Variants in IRAK1BP1 observed in about 807,000 individuals in gnomAD.
IRAK1BP1 encodes interleukin 1 receptor associated kinase 1 binding protein 1, also known as interleukin-1 receptor-associated kinase 1-binding protein 1.
In IRAK1BP1, 24 loss-of-function variants were observed where a neutral mutation model predicts 28.0. That is an observed-to-expected ratio of 0.86 (90% confidence interval 0.62 to 1.20). IRAK1BP1 has a LOEUF of 1.20. Ranked by LOEUF, IRAK1BP1 falls within the 50% of genes most tolerant of loss-of-function variation. The pLI is 0.00. For synonymous variants in IRAK1BP1, 131 were observed against 116.3 expected (o/e 1.13, Z -0.81); for missense variants, 336 against 316.7 (o/e 1.06, Z -0.46).
chr6:78,955,632 T>A, the IRAK1BP1 span: 1 of 1,077,232 alleles, frequency 9.3e-7, no homozygotes, highest in Admixed American at 1.8e-5. Context: ...AGACAAAACT[T>A]TCTTCTTCAT....
chr6:78,956,283 C>T, the IRAK1BP1 span: 1 of 152,096 alleles, frequency 6.6e-6, no homozygotes, highest in East Asian at 1.9e-4. Flanking sequence ...TCCCTTTCCT[C>T]CTCCTTATAA....
intron 2 of IRAK1BP1, among the ~76,000 whole-genome samples, chr6:78,895,339 A>G (rs1771841443): frequency 6.6e-6 from 1 of 152,202 alleles, no homozygotes; most frequent in Non-Finnish European, 1.5e-5. Context: ...AAAACTGAAA[A>G]GGAAGAAATA....
chr6:78,925,189 G>A lies in IRAK1BP1; in HGVS notation c.*68-20219G>A, dbSNP rs144270444. On this transcript the variant is annotated intron_variant and NMD_transcript_variant, in intron 4 of 4. Transcript: ENST00000606868. ...TGTTTTGGGGTGGGGGTATGGGGGA[G>A]GGATAGCACTGGGAGATATACCTAA... Among the ~76,000 whole-genome samples, 853 of 152,216 alleles carry A rather than the reference G, an allele frequency of 5.6e-3. 6 individuals are homozygous for A. The highest frequency in any genetic ancestry group is 0.02 in the African/African-American group (825 of 41,532).
exon 5 of IRAK1BP1, chr6:78,946,243 CT>C: frequency 1.9e-6 from 3 of 1,612,686 alleles, no homozygotes; most frequent in Non-Finnish European, 1.7e-6. Context: ...TTTTAAGATC[CT>C]TTTTTTCCTT....
chr6:78,978,640 T>C, the IRAK1BP1 span: 1 of 1,596,860 alleles, frequency 6.3e-7, no homozygotes, highest in Non-Finnish European at 8.6e-7. Flanking sequence ...GAATGGTATC[T>C]GTAATCCATG....
chr6:78,941,313 C>G (rs776162259), intron 4 of IRAK1BP1: 2 of 1,612,860 alleles, frequency 1.2e-6, no homozygotes, highest in Non-Finnish European at 1.7e-6. Context: ...GGTACAAGAG[C>G]GTTGTTCTTA....
chr6:78,947,530 T>C, downstream of IRAK1BP1: 2 of 627,206 alleles, frequency 3.2e-6, no homozygotes, highest in Non-Finnish European at 5.4e-6. Flanking sequence ...GAAAGTTAAC[T>C]TTGACCTAAA....
At chr6:78,960,450 CT>C in the IRAK1BP1 span, among the ~76,000 whole-genome samples, 3,076 of 137,376 alleles carry the variant, frequency 0.022, 37 homozygotes, top group African/African-American at 0.039. Flanking sequence ...TTAGGAATTC[CT>C]TTTTTTTTTT....
chr6:78,924,108 C>CA (rs1328671856), intron 4 of IRAK1BP1, among the ~76,000 whole-genome samples: 24 of 152,030 alleles, frequency 1.6e-4, no homozygotes, highest in Non-Finnish European at 3.2e-4. Flanking sequence ...AAAAACCCTT[C>CA]AAAAAATCAA....
chr6:78,974,616 G>A, the IRAK1BP1 span, among the ~76,000 whole-genome samples: 1 of 152,036 alleles, frequency 6.6e-6, no homozygotes, highest in Non-Finnish European at 1.5e-5. Context: ...CAACAAAATC[G>A]ATAGACCGCC....
chr6:78,893,310 G>GTATATATA (rs1562085762), intron 2 of IRAK1BP1, among the ~76,000 whole-genome samples: 1 of 71,126 alleles, frequency 1.4e-5, no homozygotes, highest in Non-Finnish European at 2.8e-5. Flanking sequence ...GTGTGTGTGT[G>GTATATATA]TGTGTATATA....
At chr6:78,926,164 A>G (rs1260021626) in intron 4 of IRAK1BP1, among the ~76,000 whole-genome samples, 1 of 152,112 alleles carries the variant, frequency 6.6e-6, no homozygotes, top group Non-Finnish European at 1.5e-5. Context: ...TAAAAAGTCA[A>G]AAAACAACAG....
At chr6:78,936,564 CTAAG>C (rs1335911818) in intron 4 of IRAK1BP1, 2 of 151,836 alleles carry the variant, frequency 1.3e-5, no homozygotes, top group Admixed American at 6.6e-5. Context: ...CAGCCATGCA[CTAAG>C]TATTTGGTCT....
At chr6:78,882,509 C>G (rs1293338356) in intron 1 of IRAK1BP1, among the ~76,000 whole-genome samples, 1 of 152,154 alleles carries the variant, frequency 6.6e-6, no homozygotes, top group Non-Finnish European at 1.5e-5. Flanking sequence ...CATGTACTGC[C>G]TGATGTGTTG....
chr6:78,885,385 A>G lies in IRAK1BP1; in HGVS notation c.323A>G (p.Asn108Ser). The G allele has an allele frequency of 6.3e-7, 1 of 1,576,798 alleles. No individual in the cohort carries two copies. The highest frequency in any genetic ancestry group is 8.7e-7 in the Non-Finnish European group (1 of 1,151,634). Reference protein sequence around the residue: ...SLQQQGVQAENITVTKDFRRV... With the variant: ...SLQQQGVQAESITVTKDFRRV... ...GGACTTTTTCTGTTTCAGGCAGAAA[A>G]TATAACTGTGACAAAGGATTTTAGG... The change falls in exon 2 of 4, where the codon AAT (asparagine) becomes AGT (serine). Residue 108 changes from asparagine (N) to serine (S), a missense_variant. Asn to Ser is a conservative substitution (Grantham distance 46, BLOSUM62 1). Transcript: ENST00000369940.
chr6:78,923,249 A>G (rs886926054), intron 4 of IRAK1BP1, among the ~76,000 whole-genome samples: 16 of 152,070 alleles, frequency 1.1e-4, no homozygotes, highest in Non-Finnish European at 2.1e-4. Flanking sequence ...CACATGGAAA[A>G]AAAAAAGGGC....
At chr6:78,870,704 T>C (rs766595989) in intron 1 of IRAK1BP1, among the ~76,000 whole-genome samples, 2 of 152,170 alleles carry the variant, frequency 1.3e-5, no homozygotes. Context: ...TGTTCATTTT[T>C]GTTTTTGGTT....
At chr6:78,883,848 C>T (rs75302066) in intron 1 of IRAK1BP1, among the ~76,000 whole-genome samples, 4,049 of 152,228 alleles carry the variant, frequency 0.027, 71 homozygotes, top group Non-Finnish European at 0.04. Flanking sequence ...ATACCTTGTT[C>T]AGTGTGTATC....
intron 4 of IRAK1BP1, among the ~76,000 whole-genome samples, chr6:78,922,215 A>G (rs934979893): frequency 6.6e-6 from 1 of 152,236 alleles, no homozygotes; most frequent in African/African-American, 2.4e-5. Flanking sequence ...TAACCAATGC[A>G]GAGAAGTCCT....
Sources: allele counts gnomAD v4.1 joint callset (sites outside exome capture counted in the v4.1 genomes callset), GRCh38; gene constraint gnomAD v4.1.1; transcripts MANE v1.5; gene names NCBI Gene and HGNC (gene_info 2026-07-23, HGNC 2026-07-21).